Variants in GTF2IRD1 observed in about 807,000 individuals in gnomAD.
GTF2IRD1 encodes general transcription factor II-I repeat domain-containing protein 1.
Under a neutral mutation model 113.2 loss-of-function variants are expected in GTF2IRD1, and 26 were observed. The observed-to-expected ratio is 0.23, with a 90% CI of 0.17 to 0.32. GTF2IRD1 has a LOEUF of 0.32. GTF2IRD1 is among the 10% of genes least tolerant of loss of function. The pLI is 1.00. For missense variants in GTF2IRD1, 864 were observed against 1,280.8 expected (o/e 0.67, Z 4.97); for synonymous variants, 484 against 529.1 (o/e 0.91, Z 1.17).
chr7:74,592,750 C>T (rs1231667402), intron 24 of GTF2IRD1, among the ~76,000 whole-genome samples: 83 of 152,156 alleles, frequency 5.5e-4, no homozygotes, highest in African/African-American at 2.0e-3. Context: ...TCAGGCTGGT[C>T]TCGAACTCCC....
At chr7:74,557,365 C>G (rs1318067941) in intron 19 of GTF2IRD1, among the ~76,000 whole-genome samples, 1 of 152,206 alleles carries the variant, frequency 6.6e-6, no homozygotes, top group Non-Finnish European at 1.5e-5. Flanking sequence ...GGTGTCCCTC[C>G]CCTCCGGGGC....
intron 1 of GTF2IRD1, among the ~76,000 whole-genome samples, chr7:74,496,308 G>T (rs1554337878): frequency 6.6e-6 from 1 of 150,376 alleles, no homozygotes; most frequent in East Asian, 2.0e-4. Flanking sequence ...GCATGTGTGT[G>T]GGGGTGGGGG....
At chr7:74,486,869 C>T (rs1426873075) in intron 1 of GTF2IRD1, among the ~76,000 whole-genome samples, 1 of 152,016 alleles carries the variant, frequency 6.6e-6, no homozygotes, top group African/African-American at 2.4e-5. Context: ...ATCCCAGCTA[C>T]TCAGGACACT....
intron 1 of GTF2IRD1, among the ~76,000 whole-genome samples, chr7:74,500,041 G>A (rs972031524): frequency 2.0e-5 from 3 of 152,230 alleles, no homozygotes; most frequent in African/African-American, 7.2e-5. Flanking sequence ...AGTGAAAAAA[G>A]CCTGAGAGAT....
intron 19 of GTF2IRD1, 58 bp from the exon 20 acceptor site, chr7:74,557,581 G>A: frequency 8.5e-7 from 1 of 1,171,482 alleles, no homozygotes; most frequent in Non-Finnish European, 1.3e-6. Flanking sequence ...TTCCTTAAAA[G>A]TCACCAAGTG....
At position 74,547,588 on chromosome 7, in the gene GTF2IRD1, G is replaced by A. The variant is rs372752415; in HGVS notation, c.1916+302G>A. On this transcript the variant is annotated intron_variant, in intron 17 of 26. Coordinates refer to ENST00000424337, the MANE Select transcript of GTF2IRD1 (RefSeq NM_005685.4). ...TGAGTAGCTGAGACTACAGGTGCGCGCCACCACGCCCGGCTAATTTTTGTA... is the reference window on the plus strand; with the variant it reads ...TGAGTAGCTGAGACTACAGGTGCGCACCACCACGCCCGGCTAATTTTTGTA... 2.6e-5 allele frequency among the ~76,000 whole-genome samples: 4 copies of A among 151,478 alleles called. No homozygotes were observed. In the East Asian group the frequency reaches 5.8e-4, roughly 22 times the overall value.
intron 1 of GTF2IRD1, among the ~76,000 whole-genome samples, chr7:74,462,853 T>G (rs1793469543): frequency 1.3e-5 from 2 of 152,236 alleles, no homozygotes; most frequent in Admixed American, 6.5e-5. Context: ...GCCGCTGCCC[T>G]CCGGGCCTCT....
rs948332998 is a variant in GTF2IRD1, at chr7:74,490,545, C to G, written c.-6-17530C>G. ...GAGGCTGCTGGGGAGAAAGGATACC[C>G]CCCCCCCCGCCCGCCTTCCAGAAGG... is the stretch of plus-strand genomic sequence containing the variant. On this transcript the variant is annotated intron_variant, in intron 1 of 26. Transcript: ENST00000424337. 9.6e-5 allele frequency among the ~76,000 whole-genome samples: 14 copies of G among 146,104 alleles called. No individual in the cohort carries two copies. The East Asian group carries it at 1.4e-3, about 14-fold the overall frequency.
At chr7:74,592,834 G>T (rs73137122) in intron 24 of GTF2IRD1, among the ~76,000 whole-genome samples, 1 of 151,178 alleles carries the variant, frequency 6.6e-6, no homozygotes, top group South Asian at 2.1e-4. Context: ...TACCCGGCCC[G>T]CCTTCAATGT....
At chr7:74,543,720 C>T (rs587653903) in intron 14 of GTF2IRD1, among the ~76,000 whole-genome samples, 4 of 151,474 alleles carry the variant, frequency 2.6e-5, no homozygotes, top group East Asian at 3.9e-4. Flanking sequence ...GACAACATGG[C>T]GAAACCCTGT....
chr7:74,533,412 G>A (rs1360313124), intron 9 of GTF2IRD1, among the ~76,000 whole-genome samples: 2 of 152,142 alleles, frequency 1.3e-5, no homozygotes, highest in African/African-American at 4.8e-5. Flanking sequence ...TGGGATTATA[G>A]GCTTGAGCCA....
intron 10 of GTF2IRD1, 60 bp downstream of exon 10, chr7:74,535,198 G>C: frequency 1.5e-6 from 2 of 1,358,878 alleles, no homozygotes; most frequent in South Asian, 2.3e-5. Context: ...AACAGAACCC[G>C]AGCTGCCACC....
intron 1 of GTF2IRD1, among the ~76,000 whole-genome samples, chr7:74,471,328 G>C (rs546667010): frequency 2.0e-5 from 3 of 152,216 alleles, no homozygotes; most frequent in Admixed American, 6.5e-5. Context: ...TTGAGGTCAG[G>C]AATCTGAGAC....
At chr7:74,599,547 G>A (rs963320531) in intron 25 of GTF2IRD1, among the ~76,000 whole-genome samples, 12 of 152,096 alleles carry the variant, frequency 7.9e-5, no homozygotes, top group African/African-American at 2.7e-4. Context: ...ATAGTAAGTG[G>A]CCACAGTGAA....
chr7:74,594,936 A>G lies in GTF2IRD1; in HGVS notation c.2592-78A>G, dbSNP rs1802315915. The stretch of plus-strand genomic sequence containing the variant: ...CACTGCACTTCAGCCTGGGCAACCG[A>G]GTGAGACTCCATCTCAAAAAAATAA... On this transcript the variant is annotated intron_variant, in intron 24 of 26. Transcript: ENST00000424337. 1.0e-5 allele frequency: 10 copies of G among 1,000,486 alleles called. No individual in the cohort carries two copies. The South Asian group carries it at 1.3e-4, about 13-fold the overall frequency. 62.0% of individuals were successfully genotyped at this position (1,000,486 alleles called of 1,614,324 possible). A position where few individuals can be genotyped will look rare whatever the true frequency, so the allele number is the denominator to read the frequency against.
chr7:74,582,348 G>A (rs2130947245), intron 22 of GTF2IRD1, among the ~76,000 whole-genome samples: 1 of 152,360 alleles, frequency 6.6e-6, no homozygotes, highest in Admixed American at 6.5e-5. Flanking sequence ...TGTGCCCAAG[G>A]AGCTGCCTCT....
intron 17 of GTF2IRD1, among the ~76,000 whole-genome samples, chr7:74,548,440 C>T (rs1191370245): frequency 1.3e-5 from 2 of 151,494 alleles, no homozygotes; most frequent in South Asian, 2.1e-4. Context: ...AAAAAAGTCC[C>T]TTTGGAGAAG....
At chr7:74,456,681 T>TAA (rs60404867) in intron 1 of GTF2IRD1, among the ~76,000 whole-genome samples, 1 of 140,682 alleles carries the variant, frequency 7.1e-6, no homozygotes, top group East Asian at 2.0e-4. Context: ...AGACTCCATC[T>TAA]AAAAAAAAAA....
At chr7:74,538,205 G>C in intron 12 of GTF2IRD1, 32 bp downstream of exon 12, 1 of 1,610,206 alleles carries the variant, frequency 6.2e-7, no homozygotes. Flanking sequence ...TGTGTGTGTG[G>C]TGGGCCGGGA....
Sources: gnomAD v4.1 joint callset for allele counts (sites outside exome capture counted in the v4.1 genomes callset) on GRCh38, gnomAD v4.1.1 for gene constraint, MANE v1.5 for transcripts, NCBI Gene and HGNC (gene_info 2026-07-23, HGNC 2026-07-21) for gene names.